The following ZNF385A variants were observed in gnomAD, a reference collection of about 807,000 sequenced individuals.
ZNF385A encodes hematopoietic zinc finger protein.
Under a neutral mutation model 32.1 loss-of-function variants are expected in ZNF385A, and 14 were observed. That is an observed-to-expected ratio of 0.44 (90% CI 0.29 to 0.68). The LOEUF is 0.68. Among genes scored for constraint, ZNF385A ranks in the 30% least tolerant of loss-of-function variants. The probability of loss-of-function intolerance (pLI) is 0.14; values close to 1 mark genes in which losing one functional copy is unlikely to be tolerated. For synonymous variants in ZNF385A, 197 were observed against 202.7 expected (o/e 0.97, Z 0.24); for missense variants, 406 against 478.4 (o/e 0.85, Z 1.41).
intron 1 of ZNF385A, chr12:54,391,139 G>T: frequency 7.5e-7 from 1 of 1,342,220 alleles, no homozygotes; most frequent in Non-Finnish European, 9.9e-7. Context: ...GGCGGCCGCA[G>T]TCACCGCGGT....
upstream of ZNF385A, chr12:54,385,008 G>A: frequency 1.7e-6 from 1 of 571,454 alleles, no homozygotes; most frequent in Non-Finnish European, 2.2e-6. Context: ...TCATCCTACT[G>A]ACCAGAGGGG....
Position 54,370,700 on chromosome 12 carries a change from G to T in ZNF385A, c.796C>A (p.Arg266=), listed in dbSNP as rs1954492140. ...LKQHISSRRH[R]DGVAGKPNPL... is the part of the protein sequence containing the mutation. ...TTGGGCTTCCCGGCCACGCCGTCTC[G>T]GTGCCGCCGGCTGGAGATGTGCTGC... The change falls in exon 6 of 7, where the codon CGA becomes AGA. Residue 266 remains arginine, a synonymous_variant. Coordinates refer to ENST00000394313, the MANE Select transcript of ZNF385A (RefSeq NM_015481.3). This position sits in a 1 kb window ranked among gnomAD's most constrained non-coding sequence, Gnocchi z 5.5. The T allele has an allele frequency of 1.9e-6, 3 of 1,597,464 alleles. No individual in the cohort carries two copies. Among genetic ancestry groups the T allele is most frequent in the Admixed American group, 3.4e-5 (2 of 58,282 alleles).
At position 54,384,627 on chromosome 12, in the gene ZNF385A, C is replaced by T; in HGVS notation, c.-113G>A. 1.4e-6 allele frequency: 2 copies of T among 1,423,264 alleles called. No homozygotes were observed. The highest frequency in any genetic ancestry group is 9.2e-7 in the Non-Finnish European group (1 of 1,092,042). 88.2% of individuals were successfully genotyped at this position (1,423,264 alleles called of 1,614,324 possible). A position where few individuals can be genotyped will look rare whatever the true frequency, so the allele number is the denominator to read the frequency against. On this transcript the variant is annotated 5_prime_UTR_variant, in exon 1 of 7. Transcript: ENST00000394313. Reference sequence around the variant, plus strand: ...TTAAAGCTTGGGAACCCCACCCAAGCCTGCCAGTCCCACTCCCTAGCCAGG... The same window carrying T: ...TTAAAGCTTGGGAACCCCACCCAAGTCTGCCAGTCCCACTCCCTAGCCAGG...
chr12:54,390,286 C>A (rs982878662), intron 1 of ZNF385A, among the ~76,000 whole-genome samples: 1 of 151,990 alleles, frequency 6.6e-6, no homozygotes, highest in Non-Finnish European at 1.5e-5. Flanking sequence ...AGGGCAGGGG[C>A]ATGCAGCCGG....
At chr12:54,371,827 C>A (rs1050458335) in intron 3 of ZNF385A, 112 bp from the exon 4 acceptor site, 2 of 1,485,966 alleles carry the variant, frequency 1.3e-6, no homozygotes, top group Non-Finnish European at 1.8e-6. Flanking sequence ...GGAGTCCCCA[C>A]CCTGTTACAA....
intron 1 of ZNF385A, among the ~76,000 whole-genome samples, chr12:54,377,163 C>T (rs917963176): frequency 2.0e-5 from 3 of 152,182 alleles, no homozygotes; most frequent in Non-Finnish European, 4.4e-5. Flanking sequence ...CTCCTTTCCT[C>T]TCACCAGTAG....
At position 54,384,617 on chromosome 12, in the gene ZNF385A, C is replaced by T; in HGVS notation, c.-103G>A. ...GGTAGGAAGATTAAAGCTTGGGAAC[C>T]CCACCCAAGCCTGCCAGTCCCACTC... On this transcript the variant is annotated 5_prime_UTR_variant, in exon 1 of 7. Transcript: ENST00000394313. 7.0e-7 allele frequency: 1 copy of T among 1,423,260 alleles called. No homozygotes were observed. Among genetic ancestry groups the T allele is most frequent in the Non-Finnish European group, 9.2e-7 (1 of 1,091,360 alleles). The allele number at this position is 1,423,260 out of a possible 1,614,324, so 88.2% of individuals were successfully genotyped here.
chr12:54,385,900 G>A (rs958642332), upstream of ZNF385A: 2 of 153,022 alleles, frequency 1.3e-5, no homozygotes, highest in African/African-American at 2.4e-5. Context: ...CGACAGGGAG[G>A]GGGTGGGGAG....
intron 1 of ZNF385A, among the ~76,000 whole-genome samples, chr12:54,381,779 C>T (rs1021676184): frequency 1.2e-4 from 18 of 152,202 alleles, no homozygotes; most frequent in African/African-American, 4.1e-4. Context: ...GTCACCTGCT[C>T]CAGGTTAAAT....
At chr12:54,388,521 T>C (rs996067076), upstream of ZNF385A, among the ~76,000 whole-genome samples, 5 of 152,180 alleles carry the variant, frequency 3.3e-5, no homozygotes, top group African/African-American at 1.2e-4. Flanking sequence ...TGAGTAGGAA[T>C]AGGAGCCAGG....
chr12:54,386,207 CACAG>C (rs71644430), upstream of ZNF385A, among the ~76,000 whole-genome samples: 795 of 142,436 alleles, frequency 5.6e-3, 15 homozygotes, highest in African/African-American at 0.02. Flanking sequence ...CACACACACA[CACAG>C]AGAGACGGAC....
intron 1 of ZNF385A, among the ~76,000 whole-genome samples, chr12:54,379,915 C>A (rs552009277): frequency 6.6e-6 from 1 of 152,366 alleles, no homozygotes; most frequent in African/African-American, 2.4e-5. Flanking sequence ...CCCCCAGACA[C>A]CTCGTTCTGT....
In ZNF385A at chr12:54,370,567, C is replaced by T; in HGVS notation, c.870+59G>A. 6.4e-7 allele frequency: 1 copy of T among 1,554,616 alleles called. No homozygotes were observed. On this transcript the variant is annotated intron_variant, in intron 6 of 6. Transcript: ENST00000394313. The surrounding 1 kb of genome is among the most constrained non-coding windows in gnomAD (Gnocchi z 5.5). Reference sequence around the variant, plus strand: ...ACCTCTCCCTGGGCAAAGCCCGCGTCCCTCTCTCCTCCCCGCCCGCGCCCT... The same window carrying T: ...ACCTCTCCCTGGGCAAAGCCCGCGTTCCTCTCTCCTCCCCGCCCGCGCCCT...
At position 54,384,704 on chromosome 12, in the gene ZNF385A, C is replaced by T. The variant is rs1955377122; in HGVS notation, c.-190G>A. 3.0e-6 allele frequency: 4 copies of T among 1,351,894 alleles called. No individual in the cohort carries two copies. In the East Asian group the frequency reaches 8.9e-5, roughly 30 times the overall value. 83.7% of individuals were successfully genotyped at this position (1,351,894 alleles called of 1,614,324 possible). A position where few individuals can be genotyped will look rare whatever the true frequency, so the allele number is the denominator to read the frequency against. On this transcript the variant is annotated 5_prime_UTR_variant, in exon 1 of 7. Transcript: ENST00000394313. ...CAGTGCACATAGTGTACACACTTCC[C>T]CTGCTGGCTCCAGAGCAATGGAGCA...
chr12:54,382,366 G>A lies in ZNF385A; in HGVS notation c.87+2062C>T, dbSNP rs538774182. Among the ~76,000 whole-genome samples, 9 of 152,118 alleles carry A rather than the reference G, an allele frequency of 5.9e-5. No individual in the cohort carries two copies. In the South Asian group the frequency reaches 8.3e-4, roughly 14 times the overall value. ...TGGGATTACAAGCGTGAGCCACCAC[G>A]CCTGGCCCAGTCTGAAAACTTAAAA... On this transcript the variant is annotated intron_variant, in intron 1 of 6. Transcript: ENST00000394313.
chr12:54,384,935 C>T (rs943697451), upstream of ZNF385A: 13 of 1,025,366 alleles, frequency 1.3e-5, no homozygotes, highest in African/African-American at 3.4e-5. Flanking sequence ...TCTGGTTTTG[C>T]TTTCCCCCAG....
chr12:54,379,455 T>G (rs1275426256), intron 1 of ZNF385A, among the ~76,000 whole-genome samples: 10 of 152,022 alleles, frequency 6.6e-5, no homozygotes, highest in African/African-American at 2.4e-5. Flanking sequence ...CTGGGGCTCC[T>G]TCTTGGGTCC....
chr12:54,373,483 A>G (rs1439206818), intron 3 of ZNF385A, among the ~76,000 whole-genome samples: 1 of 8,540 alleles, frequency 1.2e-4, no homozygotes, highest in South Asian at 2.4e-3. Flanking sequence ...TATTTCCCAG[A>G]AAAAAAAAAA....
At position 54,371,628 on chromosome 12, in the gene ZNF385A, C is replaced by T. The variant is rs1289575607; in HGVS notation, c.449G>A (p.Gly150Asp). ...SPSPPSIPET[G>D]QGVTKGEGGT... ...CCCTTCACCCTTGGTTACACCCTGA[C>T]CAGTCTCCGGAATGCTGGGAGGGGA... The change falls in exon 4 of 7, where the codon GGT becomes GAT. Residue 150 changes from glycine to aspartate, a missense_variant. By Grantham distance (94) the Gly-to-Asp change is moderately conservative. Transcript: ENST00000394313. 1.2e-6 allele frequency: 2 copies of T among 1,612,030 alleles called. No individual in the cohort carries two copies. The highest frequency in any genetic ancestry group is 3.4e-5 in the Admixed American group (2 of 59,254).
Sources: gnomAD v4.1 joint callset for allele counts (sites outside exome capture counted in the v4.1 genomes callset) on GRCh38, gnomAD v4.1.1 for gene constraint, Gnocchi (gnomAD v3.1) non-coding constraint, MANE v1.5 for transcripts, NCBI Gene and HGNC (gene_info 2026-07-23, HGNC 2026-07-21) for gene names.